Variants in UBE2L3 observed in about 807,000 individuals in gnomAD.
UBE2L3 encodes ubiquitin-conjugating enzyme E2 L3.
A neutral mutation model predicts 17.8 loss-of-function variants in UBE2L3; 1 was observed. That is an observed-to-expected ratio of 0.06 (90% CI 0.02 to 0.27). The LOEUF (loss-of-function observed/expected upper bound fraction) is 0.27, where lower values mean the gene tolerates loss of function less well. UBE2L3 is among the 10% of genes least tolerant of loss of function. The pLI, the probability that UBE2L3 is intolerant of heterozygous loss-of-function variation, is 1.00. For synonymous variants in UBE2L3, 44 were observed against 68.5 expected (o/e 0.64, Z 1.76); for missense variants, 40 against 192.6 (o/e 0.21, Z 4.69).
rs1489560094 is a variant in UBE2L3, at chr22:21,621,115, C to A, written c.311-400C>A. Among the ~76,000 whole-genome samples, 6 of 152,204 alleles carry A rather than the reference C, an allele frequency of 3.9e-5. No individual in the cohort carries two copies. The East Asian group carries it at 9.7e-4, about 25-fold the overall frequency. ...CCCAGGAGGTTGAGGCTGCAGTGAGCCAAGATGGTGCCACTGCACTGCAGC... is the reference window on the plus strand; with the variant it reads ...CCCAGGAGGTTGAGGCTGCAGTGAGACAAGATGGTGCCACTGCACTGCAGC... On this transcript the variant is annotated intron_variant, in intron 3 of 3. Coordinates refer to ENST00000342192, the MANE Select transcript of UBE2L3 (RefSeq NM_003347.4).
At position 21,605,504 on chromosome 22, in the gene UBE2L3, TC is replaced by T. The variant is rs765638309; in HGVS notation, c.124-5352del. Among the ~76,000 whole-genome samples the T allele has an allele frequency of 6.3e-4, 96 of 152,192 alleles. 2 individuals carry two copies. Among genetic ancestry groups the T allele is most frequent in the African/African-American group, 2.0e-3 (82 of 41,552 alleles). On this transcript the variant is annotated intron_variant, in intron 2 of 3. Coordinates refer to ENST00000342192, the MANE Select transcript of UBE2L3 (RefSeq NM_003347.4). ...TAGTATAGATAGGGTTTCTTTTTTTTCTTTTTCTTTTTCTTTTTGAGATGGA... is the reference window on the plus strand; with the variant it reads ...TAGTATAGATAGGGTTTCTTTTTTTTTTTTTCTTTTTCTTTTTGAGATGGA...
At chr22:21,611,525 G>A (rs1158452503) in intron 3 of UBE2L3, among the ~76,000 whole-genome samples, 1 of 152,226 alleles carries the variant, frequency 6.6e-6, no homozygotes, top group Non-Finnish European at 1.5e-5. Flanking sequence ...TGTGAGGGGA[G>A]GGACAGAGGC....
chr22:21,575,258 CAAAAAAA>C (rs999280735), intron 1 of UBE2L3, among the ~76,000 whole-genome samples: 43 of 52,726 alleles, frequency 8.2e-4, no homozygotes, highest in Non-Finnish European at 1.7e-3. Flanking sequence ...GACTCCATCT[CAAAAAAA>C]AAAAAAAAAA....
upstream of UBE2L3, chr22:21,567,692 G>A: frequency 1.9e-6 from 3 of 1,559,458 alleles, no homozygotes; most frequent in Non-Finnish European, 2.6e-6. Flanking sequence ...GGGGGCTCCA[G>A]CCGCCCGGCC....
intron 1 of UBE2L3, among the ~76,000 whole-genome samples, chr22:21,585,871 T>C (rs574833609): frequency 1.3e-5 from 2 of 152,294 alleles, no homozygotes; most frequent in South Asian, 2.1e-4. Context: ...GCTGGAAATA[T>C]TGGATGGGAG....
At chr22:21,603,404 C>T (rs1928970162) in intron 2 of UBE2L3, among the ~76,000 whole-genome samples, 1 of 151,754 alleles carries the variant, frequency 6.6e-6, no homozygotes, top group Non-Finnish European at 1.5e-5. Context: ...GTGGTGCATG[C>T]CTGTAGTCCC....
At chr22:21,595,725 C>G (rs1020772958) in intron 2 of UBE2L3, among the ~76,000 whole-genome samples, 1 of 152,112 alleles carries the variant, frequency 6.6e-6, no homozygotes, top group African/African-American at 2.4e-5. Flanking sequence ...TACCCATAAT[C>G]ACATCATCAA....
chr22:21,609,852 C>T (rs1453096870), intron 2 of UBE2L3, among the ~76,000 whole-genome samples: 4 of 152,162 alleles, frequency 2.6e-5, no homozygotes, highest in African/African-American at 9.6e-5. Flanking sequence ...ATGGTGAAAC[C>T]GCATGTCTAC....
intron 1 of UBE2L3, chr22:21,568,005 C>G: frequency 7.5e-7 from 1 of 1,339,306 alleles, no homozygotes; most frequent in Non-Finnish European, 9.5e-7. Context: ...CAGCCCGGCC[C>G]GGGGCGTTCA....
intron 1 of UBE2L3, among the ~76,000 whole-genome samples, chr22:21,577,070 G>A (rs572703192): frequency 3.8e-4 from 57 of 151,626 alleles, no homozygotes; most frequent in Non-Finnish European, 3.8e-4. Context: ...CTGGGTTCAC[G>A]CCATTCTCCT....
intron 3 of UBE2L3, chr22:21,614,481 G>T (rs753066501): frequency 1.4e-5 from 13 of 929,244 alleles, no homozygotes; most frequent in Non-Finnish European, 2.0e-5. Flanking sequence ...CCACCCTCCT[G>T]CTGTAATCTT....
At chr22:21,593,283 G>T (rs1928356754) in intron 2 of UBE2L3, among the ~76,000 whole-genome samples, 1 of 152,126 alleles carries the variant, frequency 6.6e-6, no homozygotes, top group African/African-American at 2.4e-5. Context: ...TCTTCTCTGA[G>T]CTCCTCAGGA....
intron 2 of UBE2L3, among the ~76,000 whole-genome samples, chr22:21,605,469 G>A (rs997023393): frequency 2.0e-5 from 3 of 151,886 alleles, no homozygotes; most frequent in Non-Finnish European, 2.9e-5. Context: ...CACCTGCCTC[G>A]GCCTTTTTTT....
rs1273862739 is a variant in UBE2L3, at chr22:21,569,052, C to G, written c.27+1281C>G. Among the ~76,000 whole-genome samples, 4 of 152,262 alleles carry G rather than the reference C, an allele frequency of 2.6e-5. No homozygotes were observed. The East Asian group carries it at 7.7e-4, about 29-fold the overall frequency. ...TAATGGCTTTCTTTCCTACCCTACT[C>G]CCAGGTGCAGTCGTCCATTAACCCT... is the stretch of plus-strand genomic sequence containing the variant. On this transcript the variant is annotated intron_variant, in intron 1 of 3. Transcript: ENST00000342192.
At chr22:21,560,676 C>T (rs1407152407) in intron 1 of UBE2L3, among the ~76,000 whole-genome samples, 3 of 150,928 alleles carry the variant, frequency 2.0e-5, no homozygotes, top group Non-Finnish European at 2.9e-5. Flanking sequence ...GTCTCAAACT[C>T]CTGACCTCAG....
chr22:21,584,908 C>T (rs1927853802), intron 1 of UBE2L3, among the ~76,000 whole-genome samples: 1 of 152,154 alleles, frequency 6.6e-6, no homozygotes, highest in African/African-American at 2.4e-5. Context: ...TTGGAGTGAG[C>T]TGAGATCACG....
chr22:21,557,743 G>A (rs1395840794), intron 1 of UBE2L3, among the ~76,000 whole-genome samples: 1 of 152,248 alleles, frequency 6.6e-6, no homozygotes, highest in Non-Finnish European at 1.5e-5. Flanking sequence ...AGATGATCTC[G>A]ATCTCCTGAC....
chr22:21,624,031 A>C lies in UBE2L3; in HGVS notation c.*2362A>C, dbSNP rs1406569545. 6.6e-6 allele frequency: 1 copy of C among 152,296 alleles called. No homozygotes were observed. The highest frequency in any genetic ancestry group is 1.5e-5 in the Non-Finnish European group (1 of 68,114). The allele number at this position is 152,296 out of a possible 1,614,324, so 9.4% of individuals were successfully genotyped here. On this transcript the variant is annotated 3_prime_UTR_variant, in exon 4 of 4. Coordinates refer to ENST00000342192, the MANE Select transcript of UBE2L3 (RefSeq NM_003347.4). ...GCCCGTAATAAAAATGCTCTCAGAC[A>C]CTGGTTAGTCGTGTGGGTTTCTTCC...
intron 1 of UBE2L3, among the ~76,000 whole-genome samples, chr22:21,574,006 A>G (rs1348087655): frequency 1.3e-5 from 2 of 151,876 alleles, no homozygotes; most frequent in African/African-American, 4.8e-5. Context: ...CAGAGATGCC[A>G]TAGCCTTTAG....
Sources: allele counts gnomAD v4.1 joint callset (sites outside exome capture counted in the v4.1 genomes callset), GRCh38; gene constraint gnomAD v4.1.1; transcripts MANE v1.5; gene names NCBI Gene and HGNC (gene_info 2026-07-23, HGNC 2026-07-21).